Variants in ZNF532 observed in about 807,000 individuals in gnomAD.
ZNF532 encodes the protein zinc finger protein 532.
A neutral mutation model predicts 89.3 loss-of-function variants in ZNF532; 22 were observed. The observed-to-expected ratio is 0.25, with a 90% confidence interval of 0.18 to 0.35. The LOEUF is 0.35. Among genes scored for constraint, ZNF532 ranks in the 10% least tolerant of loss-of-function variants. The pLI is 1.00. For missense variants in ZNF532, 1,132 were observed against 1,643.4 expected, an observed-to-expected ratio of 0.69 and a Z score of 5.38; for synonymous variants, 606 against 649.6, an observed-to-expected ratio of 0.93 and a Z score of 1.02.
intron 7 of ZNF532, among the ~76,000 whole-genome samples, chr18:58,959,281 GT>G (rs778004492): frequency 1.3e-4 from 16 of 120,856 alleles, no homozygotes; most frequent in African/African-American, 2.3e-4. Context: ...TTTTTTTTTG[GT>G]TTTTTTTTTT....
intron 2 of ZNF532, among the ~76,000 whole-genome samples, chr18:58,865,826 A>G (rs756828275): frequency 1.3e-5 from 2 of 152,224 alleles, no homozygotes; most frequent in Non-Finnish European, 2.9e-5. Context: ...CCTGGAAGGA[A>G]GCGAGTGTGG....
At chr18:58,930,703 C>G (rs1055692627) in intron 3 of ZNF532, among the ~76,000 whole-genome samples, 1 of 151,226 alleles carries the variant, frequency 6.6e-6, no homozygotes, top group Non-Finnish European at 1.5e-5. Flanking sequence ...CCTTCAGATA[C>G]CAACATCTGA....
rs1183690837 is a variant in ZNF532 at position 58,959,246 on chromosome 18, G to GTTT, written c.3150+5451_3150+5453dup. Reference sequence around the variant, plus strand: ...TCAAAATGAACCTTAGATCTTTTCAGTTTTTTGTTTTTTGTTTTTTTTTGT... The same window carrying GTTT: ...TCAAAATGAACCTTAGATCTTTTCAGTTTTTTTTTGTTTTTTGTTTTTTTTTGT... On this transcript the variant is annotated intron_variant, in intron 7 of 9. Coordinates refer to ENST00000591808, the MANE Select transcript of ZNF532 (RefSeq NM_001375912.1). Among the ~76,000 whole-genome samples, 6 of 115,454 alleles carry GTTT rather than the reference G, an allele frequency of 5.2e-5. No individual in the cohort carries two copies. In the South Asian group the frequency reaches 2.0e-3, roughly 39 times the overall value. 75.7% of individuals were successfully genotyped at this position (115,454 alleles called of 152,430 possible).
At chr18:58,925,118 T>G (rs991027979) in intron 3 of ZNF532, among the ~76,000 whole-genome samples, 2 of 152,218 alleles carry the variant, frequency 1.3e-5, no homozygotes, top group Non-Finnish European at 2.9e-5. Context: ...TTTTTATTTC[T>G]CTGGGATAAA....
intron 3 of ZNF532, among the ~76,000 whole-genome samples, chr18:58,928,504 A>G (rs2061704937): frequency 6.6e-6 from 1 of 152,138 alleles, no homozygotes; most frequent in Admixed American, 6.5e-5. Flanking sequence ...ATACATTCCC[A>G]AAGCTGTCTT....
At chr18:58,913,043 A>C (rs767928019) in intron 2 of ZNF532, among the ~76,000 whole-genome samples, 2 of 152,236 alleles carry the variant, frequency 1.3e-5, no homozygotes, top group African/African-American at 2.4e-5. Context: ...ATGGAAATGC[A>C]GTGAGAAAAT....
Position 58,919,914 on chromosome 18 carries a change from G to C in ZNF532, c.1627G>C (p.Val543Leu), listed in dbSNP as rs1221615407. 1 of 1,613,946 alleles carries C rather than the reference G, an allele frequency of 6.2e-7. No individual in the cohort carries two copies. Among genetic ancestry groups the C allele is most frequent in the East Asian group, 2.2e-5 (1 of 44,884 alleles). ...CCAGGCCACCTCTGAACTCCGCCAA[G>C]TGCTAACCAAACCTCAGCAACAAAT... is the stretch of plus-strand genomic sequence containing the variant. ...GAQATSELRQ[V>L]LTKPQQQIKQ... Residue 543 changes from valine (V) to leucine (L), a missense_variant, in exon 3 of 10, where the codon GTG becomes CTG. By Grantham distance (32) the Val-to-Leu change is conservative (BLOSUM62 1). Around this residue, in one of 9 missense-constraint regions of ZNF532, gnomAD observed 97 missense variants for 143.7 expected, o/e 0.68. Coordinates refer to ENST00000591808, the MANE Select transcript of ZNF532 (RefSeq NM_001375912.1). The surrounding 1 kb of genome is among the most constrained non-coding windows in gnomAD (Gnocchi z 6.1).
intron 4 of ZNF532, among the ~76,000 whole-genome samples, chr18:58,936,509 C>T (rs1185959436): frequency 6.6e-6 from 1 of 152,220 alleles, no homozygotes; most frequent in Non-Finnish European, 1.5e-5. Flanking sequence ...AGAAGCTCCA[C>T]ATGCAGGCTG....
At chr18:58,901,546 A>G (rs1230471537) in intron 2 of ZNF532, among the ~76,000 whole-genome samples, 1 of 152,192 alleles carries the variant, frequency 6.6e-6, no homozygotes, top group African/African-American at 2.4e-5. Context: ...ACTATGATGC[A>G]TTTGCTCTTT....
intron 6 of ZNF532, among the ~76,000 whole-genome samples, chr18:58,951,908 C>T (rs557315609): frequency 6.6e-6 from 1 of 152,240 alleles, no homozygotes; most frequent in Non-Finnish European, 1.5e-5. Flanking sequence ...CTCGGCCTCC[C>T]AAAGTGCTGG....
rs747574177 is a variant in ZNF532, at chr18:58,984,027, G to T, written c.3467G>T (p.Arg1156Leu). 1 of 1,611,750 alleles carries T rather than the reference G, an allele frequency of 6.2e-7. No homozygotes were observed. The highest frequency in any genetic ancestry group is 8.5e-7 in the Non-Finnish European group (1 of 1,179,828). ...EEPVLEFRPP[R>L]GAITQPLKKL... The stretch of plus-strand genomic sequence containing the variant: ...CCAGTTCTGGAGTTCAGGCCTCCCC[G>T]AGGAGCAATCACTCAACCACTGAAA... Residue 1156 changes from arginine to leucine, a missense_variant, in exon 10 of 10, where the codon CGA becomes CTA. Arg to Leu is a moderately radical substitution (Grantham distance 102). This residue lies in a region of ZNF532 where 415 missense variants were observed against 604.8 expected (regional missense o/e 0.69). Transcript: ENST00000591808.
At chr18:58,882,406 A>G (rs964824443) in intron 2 of ZNF532, among the ~76,000 whole-genome samples, 5 of 152,152 alleles carry the variant, frequency 3.3e-5, no homozygotes, top group African/African-American at 1.2e-4. Context: ...CATGATAACT[A>G]TAGGATGCAT....
In ZNF532 at chr18:58,985,767, C is replaced by CTTTTTT. The variant is rs139910618; in HGVS notation, c.*1314_*1319dup. On this transcript the variant is annotated 3_prime_UTR_variant, in exon 10 of 10. Transcript: ENST00000591808. ...ATTTATCCCTGAACATGTTTTGTACCTTTTTTTTTTTTTTTTTTAAGAAAA... is the reference window on the plus strand; with the variant it reads ...ATTTATCCCTGAACATGTTTTGTACCTTTTTTTTTTTTTTTTTTTTTTTTAAGAAAA... 3.5e-5 allele frequency: 4 copies of CTTTTTT among 114,390 alleles called. No individual in the cohort carries two copies. Among genetic ancestry groups the CTTTTTT allele is most frequent in the African/African-American group, 1.0e-4 (3 of 29,956 alleles). 7.1% of individuals were successfully genotyped at this position (114,390 alleles called of 1,614,324 possible). A position where few individuals can be genotyped will look rare whatever the true frequency, so the allele number is the denominator to read the frequency against.
At chr18:58,964,498 T>C (rs1054721852) in intron 7 of ZNF532, among the ~76,000 whole-genome samples, 1 of 151,996 alleles carries the variant, frequency 6.6e-6, no homozygotes, top group Admixed American at 6.6e-5. Context: ...TGAAACTTAT[T>C]TTTCATTAGT....
rs2057575116 is a variant in ZNF532 at position 58,878,018 on chromosome 18, G to T, written c.-18+12439G>T. 2.0e-5 allele frequency among the ~76,000 whole-genome samples: 3 copies of T among 152,164 alleles called. No individual in the cohort carries two copies. The South Asian group carries it at 6.2e-4, about 32-fold the overall frequency. On this transcript the variant is annotated intron_variant, in intron 2 of 9. Coordinates refer to ENST00000591808, the MANE Select transcript of ZNF532 (RefSeq NM_001375912.1). Reference sequence around the variant, plus strand: ...ACCTGTAATCCCAGCACTTTGGGAGGCTGAGGTGGGCAGATCAATAGAGGT... The same window carrying T: ...ACCTGTAATCCCAGCACTTTGGGAGTCTGAGGTGGGCAGATCAATAGAGGT...
rs2059012766 is a variant in ZNF532 at position 58,893,089 on chromosome 18, C to T, written c.-17-25182C>T. 2.0e-5 allele frequency among the ~76,000 whole-genome samples: 3 copies of T among 149,888 alleles called. No homozygotes were observed. The Admixed American group carries it at 2.0e-4, about 10-fold the overall frequency. ...CTCACCCTCCCAGGACCAAGCGATT[C>T]TGCCTCAGCCTCCCGAGTAGCTGGG... is the stretch of plus-strand genomic sequence containing the variant. On this transcript the variant is annotated intron_variant, in intron 2 of 9. Coordinates refer to ENST00000591808, the MANE Select transcript of ZNF532 (RefSeq NM_001375912.1).
At chr18:58,931,953 T>C (rs1815917) in intron 3 of ZNF532, among the ~76,000 whole-genome samples, 79,770 of 150,998 alleles carry the variant, frequency 0.53, 22,402 homozygotes, top group African/African-American at 0.71. Flanking sequence ...ACAACAACAA[T>C]AATAAAAAAC....
intron 2 of ZNF532, among the ~76,000 whole-genome samples, chr18:58,894,616 C>A (rs1293265444): frequency 6.6e-6 from 1 of 152,060 alleles, no homozygotes; most frequent in Admixed American, 6.5e-5. Context: ...TGAATATTGA[C>A]CTCCTTATTC....
intron 5 of ZNF532, among the ~76,000 whole-genome samples, chr18:58,946,775 C>T (rs1035370657): frequency 4.6e-5 from 7 of 152,112 alleles, no homozygotes; most frequent in Non-Finnish European, 2.9e-5. Flanking sequence ...CCCAAGGGTA[C>T]TTGTGCTCTG....
Sources: allele counts gnomAD v4.1 joint callset (sites outside exome capture counted in the v4.1 genomes callset), GRCh38; gene constraint gnomAD v4.1.1; regional missense constraint gnomAD v4.1.1; non-coding constraint Gnocchi (gnomAD v3.1); transcripts MANE v1.5; gene names NCBI Gene and HGNC (gene_info 2026-07-23, HGNC 2026-07-21).